The following FAM171A1 variants were observed in gnomAD, a reference collection of about 807,000 sequenced individuals.
FAM171A1 encodes the protein family with sequence similarity 171 member A1.
In FAM171A1, 23 loss-of-function variants were observed where a neutral mutation model predicts 74.9. The observed-to-expected ratio is 0.31, with a 90% confidence interval of 0.22 to 0.44. The LOEUF (loss-of-function observed/expected upper bound fraction) is 0.44, where lower values mean the gene tolerates loss of function less well. Ranked by LOEUF, FAM171A1 falls within the 20% of genes least tolerant of loss-of-function variation. The pLI is 1.00. For missense variants in FAM171A1, 1,162 were observed against 1,159.2 expected, an observed-to-expected ratio of 1.00 and a Z score of -0.03; for synonymous variants, 527 against 505.7, an observed-to-expected ratio of 1.04 and a Z score of -0.57.
At chr10:15,354,422 G>A (rs766181680) in intron 1 of FAM171A1, among the ~76,000 whole-genome samples, 1 of 151,390 alleles carries the variant, frequency 6.6e-6, no homozygotes, top group Non-Finnish European at 1.5e-5. Flanking sequence ...CTTGAACCCG[G>A]GAAGCAGAGG....
chr10:15,328,367 G>A (rs10752368), intron 1 of FAM171A1, among the ~76,000 whole-genome samples: 136,492 of 152,170 alleles, frequency 0.9, 61,270 homozygotes, highest in East Asian at 1. Flanking sequence ...GCTGGTCTTG[G>A]ACTCCTGACG....
At chr10:15,324,583 A>G (rs541794114) in intron 1 of FAM171A1, among the ~76,000 whole-genome samples, 3 of 152,232 alleles carry the variant, frequency 2.0e-5, no homozygotes, top group South Asian at 2.1e-4. Flanking sequence ...CATCCTGCAC[A>G]GTCGGCTGAG....
rs1320801883 is a variant in FAM171A1, at chr10:15,214,176, G to T, written c.1412C>A (p.Ser471Tyr). 2 of 1,614,128 alleles carry T rather than the reference G, an allele frequency of 1.2e-6. No homozygotes were observed. The highest frequency in any genetic ancestry group is 1.3e-5 in the African/African-American group (1 of 75,032). Residue 471 changes from serine to tyrosine, a missense_variant, in exon 8 of 8, where the codon TCT (serine) becomes TAT (tyrosine). Transcript: ENST00000378116. ...VEVFPLKARK[S>Y]MEREGYESSG... The stretch of plus-strand genomic sequence containing the variant: ...GGACTCGTAGCCTTCTCTTTCCATA[G>T]ATTTTCTTGCCTTTAAGGGAAAAAC...
chr10:15,298,524 C>T (rs536328078), intron 1 of FAM171A1, among the ~76,000 whole-genome samples: 10 of 152,050 alleles, frequency 6.6e-5, no homozygotes, highest in East Asian at 3.9e-4. Context: ...GTACTTATCT[C>T]GGGAAACTTC....
At position 15,224,790 on chromosome 10, in the gene FAM171A1, TCC is replaced by T. The variant is rs112310937; in HGVS notation, c.755-3732_755-3731del. 1.5e-3 allele frequency among the ~76,000 whole-genome samples: 224 copies of T among 152,272 alleles called. 1 individual carries two copies. The highest frequency in any genetic ancestry group is 5.1e-3 in the African/African-American group (213 of 41,550). ...TTAAACCTCTTTTTCTTTATAAATT[TCC>T]CAGTCTCAGGTATGTCTTTATCAGC... On this transcript the variant is annotated intron_variant, in intron 5 of 7. Coordinates refer to ENST00000378116, the MANE Select transcript of FAM171A1 (RefSeq NM_001010924.2).
At chr10:15,340,956 C>G (rs1037704659) in intron 1 of FAM171A1, among the ~76,000 whole-genome samples, 3 of 152,268 alleles carry the variant, frequency 2.0e-5, no homozygotes, top group African/African-American at 4.8e-5. Context: ...ACGACATCAA[C>G]ATTTCATGGT....
chr10:15,252,538 G>A (rs936876211), intron 4 of FAM171A1, among the ~76,000 whole-genome samples: 1 of 152,158 alleles, frequency 6.6e-6, no homozygotes, highest in African/African-American at 2.4e-5. Context: ...GACAAGCTGT[G>A]TGCAAACTGA....
At chr10:15,312,196 C>A (rs1431121436) in intron 1 of FAM171A1, among the ~76,000 whole-genome samples, 1 of 152,126 alleles carries the variant, frequency 6.6e-6, no homozygotes, top group East Asian at 1.9e-4. Context: ...AAGAGAGGAT[C>A]AAAAGCCCCC....
intron 1 of FAM171A1, among the ~76,000 whole-genome samples, chr10:15,335,058 AG>A (rs1213788581): frequency 7.9e-5 from 12 of 152,200 alleles, no homozygotes; most frequent in Admixed American, 5.2e-4. Context: ...CCTGGGCAAC[AG>A]GGTGAAACCC....
Position 15,261,057 on chromosome 10 carries a change from G to T in FAM171A1, c.419-6178C>A, listed in dbSNP as rs906774131. ...GAGAGGAGAAGGCATTTCTCTCTTT[G>T]TCTCTTTCTGTGTCTTCCGCTGTCT... On this transcript the variant is annotated intron_variant, in intron 3 of 7. Coordinates refer to ENST00000378116, the MANE Select transcript of FAM171A1 (RefSeq NM_001010924.2). 2.6e-5 allele frequency among the ~76,000 whole-genome samples: 4 copies of T among 152,186 alleles called. No homozygotes were observed. The South Asian group carries it at 8.3e-4, about 32-fold the overall frequency.
chr10:15,263,450 G>C (rs762880881), intron 3 of FAM171A1, among the ~76,000 whole-genome samples: 1 of 152,224 alleles, frequency 6.6e-6, no homozygotes, highest in African/African-American at 2.4e-5. Context: ...ATTTACGAGT[G>C]TTCTCTCTTT....
intron 5 of FAM171A1, among the ~76,000 whole-genome samples, chr10:15,243,255 G>A (rs746477182): frequency 1.4e-4 from 21 of 152,036 alleles, no homozygotes; most frequent in Non-Finnish European, 2.2e-4. Context: ...TCTGATTCTG[G>A]CTCCTCTTGC....
chr10:15,263,293 C>A (rs1189336632), intron 3 of FAM171A1, among the ~76,000 whole-genome samples: 1 of 152,180 alleles, frequency 6.6e-6, no homozygotes, highest in East Asian at 1.9e-4. Flanking sequence ...GGCATTCATA[C>A]AATGCCAGCC....
chr10:15,230,969 G>C (rs1342740894), intron 5 of FAM171A1, among the ~76,000 whole-genome samples: 1 of 152,222 alleles, frequency 6.6e-6, no homozygotes, highest in African/African-American at 2.4e-5. Context: ...TGGGTGGGGA[G>C]CACACAAGGA....
chr10:15,374,198 G>A (rs1836178901), upstream of FAM171A1, among the ~76,000 whole-genome samples: 1 of 152,214 alleles, frequency 6.6e-6, no homozygotes, highest in African/African-American at 2.4e-5. Context: ...GCAACACTGA[G>A]TCTTGTCTAA....
At chr10:15,225,710 A>T (rs1834097652) in intron 5 of FAM171A1, among the ~76,000 whole-genome samples, 1 of 152,102 alleles carries the variant, frequency 6.6e-6, no homozygotes, top group Non-Finnish European at 1.5e-5. Flanking sequence ...TGCAACCAGG[A>T]AGGGCGCCCT....
At chr10:15,370,552 C>A (rs953891971) in intron 1 of FAM171A1, among the ~76,000 whole-genome samples, 2 of 152,020 alleles carry the variant, frequency 1.3e-5, no homozygotes, top group Admixed American at 1.3e-4. Context: ...GCGTGGGGAG[C>A]CGGGAGCGCG....
rs116484662 is a variant in FAM171A1 at position 15,292,256 on chromosome 10, G to A, written c.98-8151C>T. Among the ~76,000 whole-genome samples, 650 of 152,226 alleles carry A rather than the reference G, an allele frequency of 4.3e-3. 3 individuals are homozygous for A. The highest frequency in any genetic ancestry group is 0.015 in the African/African-American group (613 of 41,536). ...ACCTTGGGGGTTAAGATTTCCATAT[G>A]TGAACTTGAGGGGAAAACAAACTTT... is the stretch of plus-strand genomic sequence containing the variant. On this transcript the variant is annotated intron_variant, in intron 1 of 7. Coordinates refer to ENST00000378116, the MANE Select transcript of FAM171A1 (RefSeq NM_001010924.2).
At chr10:15,357,348 G>A (rs1835945806) in intron 1 of FAM171A1, among the ~76,000 whole-genome samples, 1 of 152,184 alleles carries the variant, frequency 6.6e-6, no homozygotes, top group African/African-American at 2.4e-5. Context: ...AATCCATGGT[G>A]AATAAAATAA....
Sources: allele counts gnomAD v4.1 joint callset (sites outside exome capture counted in the v4.1 genomes callset), GRCh38; gene constraint gnomAD v4.1.1; transcripts MANE v1.5; gene names NCBI Gene and HGNC (gene_info 2026-07-23, HGNC 2026-07-21).